POLR3K: variants seen among roughly 807,000 people sequenced by gnomAD.
POLR3K encodes RNA polymerase III subunit K, also known as DNA-directed RNA polymerase III subunit RPC10.
POLR3K carries 11 observed loss-of-function variants against 13.5 expected under a neutral mutation model. The ratio of observed to expected loss-of-function variants is 0.81; its 90% CI spans 0.51 to 1.35. The LOEUF (loss-of-function observed/expected upper bound fraction) is 1.35, where lower values mean the gene tolerates loss of function less well. POLR3K is among the 40% of genes most tolerant of loss of function. The pLI, the probability that POLR3K is intolerant of heterozygous loss-of-function variation, is 0.00. For synonymous variants in POLR3K, 56 were observed against 51.5 expected (o/e 1.09, Z -0.38); for missense variants, 144 against 145.3 (o/e 0.99, Z 0.05).
chr16:50,911 A>G (rs78178911), intron 2 of POLR3K, among the ~76,000 whole-genome samples: 2 of 152,220 alleles, frequency 1.3e-5, no homozygotes, highest in African/African-American at 4.8e-5. Context: ...ACCTCTTCAC[A>G]GAGCAGCAGG....
At chr16:52,657 T>C (rs1034964457) in intron 1 of POLR3K, among the ~76,000 whole-genome samples, 82 of 147,768 alleles carry the variant, frequency 5.5e-4, no homozygotes, top group Admixed American at 1.6e-3. Flanking sequence ...TCCCAGCTAA[T>C]TGGGAGGCTG....
intron 2 of POLR3K, among the ~76,000 whole-genome samples, chr16:51,263 G>A (rs216590): frequency 0.75 from 114,469 of 152,104 alleles, 43,358 homozygotes; most frequent in African/African-American, 0.8. Context: ...ATGCTCTCGC[G>A]GTCTACGAAT....
Position 53,567 on chromosome 16 carries a change from C to T in POLR3K, c.20G>A (p.Gly7Asp), listed in dbSNP as rs369016391. ...CTCCACGATCAGCCCGTTCCCGCAG[C>T]CGGGGCAGAACAGCAGCATGGTCTC... MLLFCP[G>D]CGNGLIVEEG... is the part of the protein sequence containing the mutation. Residue 7 changes from glycine (G) to aspartate (D), a missense_variant, in exon 1 of 3, where the codon GGC becomes GAC. Physicochemically the swap from Gly to Asp is moderately conservative, Grantham distance 94 (BLOSUM62 -1). Transcript: ENST00000293860. 6.2e-7 allele frequency: 1 copy of T among 1,613,150 alleles called. No homozygotes were observed. The highest frequency in any genetic ancestry group is 8.5e-7 in the Non-Finnish European group (1 of 1,179,694).
intron 2 of POLR3K, among the ~76,000 whole-genome samples, chr16:48,683 T>C (rs1377137843): frequency 3.3e-5 from 5 of 150,798 alleles, no homozygotes; most frequent in East Asian, 3.9e-4. Context: ...TGGTGTCGGG[T>C]GCCTGCAGTC....
intron 2 of POLR3K, among the ~76,000 whole-genome samples, chr16:49,364 G>T (rs1265434885): frequency 6.6e-6 from 1 of 150,994 alleles, no homozygotes; most frequent in Non-Finnish European, 1.5e-5. Flanking sequence ...CTTGAACCTG[G>T]GAAGTGGAGG....
intron 1 of POLR3K, among the ~76,000 whole-genome samples, chr16:52,823 A>AATACATT (rs1307527984): frequency 6.6e-6 from 1 of 151,672 alleles, no homozygotes; most frequent in Non-Finnish European, 1.5e-5. Flanking sequence ...GAAAGCACAC[A>AATACATT]ATACATTACA....
intron 2 of POLR3K, among the ~76,000 whole-genome samples, chr16:50,314 A>G (rs1388692481): frequency 6.6e-6 from 1 of 151,490 alleles, no homozygotes; most frequent in Non-Finnish European, 1.5e-5. Context: ...TATCTCTCTC[A>G]CCTCTCAATA....
rs941849206 is a variant in POLR3K at position 51,641 on chromosome 16, G to T, written c.116C>A (p.Thr39Lys). The change falls in exon 2 of 3, where the codon ACA becomes AAA. Residue 39 changes from threonine to lysine, a missense_variant. Transcript: ENST00000293860. ...TTTCAGTTTTGGGTACTTCCGATTT[G>T]TTACCTAACAAAAACAACACTTCAG... is the stretch of plus-strand genomic sequence containing the variant. ...PYVHNITRKV[T>K]NRKYPKLKEV... 1.4e-5 allele frequency: 23 copies of T among 1,613,396 alleles called. 1 individual carries two copies. Among genetic ancestry groups the T allele is most frequent in the Admixed American group, 3.3e-5 (2 of 59,970 alleles).
chr16:52,795 A>C (rs1228500902), intron 1 of POLR3K, among the ~76,000 whole-genome samples: 24 of 26,840 alleles, frequency 8.9e-4, no homozygotes, highest in African/African-American at 2.9e-3. Context: ...AAAAAAAAAA[A>C]CAATAAAAAA....
chr16:53,230 G>T, intron 1 of POLR3K: 1 of 681,940 alleles, frequency 1.5e-6, no homozygotes, highest in Non-Finnish European at 2.2e-6. Context: ...GGAAATCACC[G>T]TGGCCGCCGC....
Position 47,516 on chromosome 16 carries a change from G to A in POLR3K, c.241C>T (p.Gln81Ter). ...TCATCTGCAGAGCGGGTCTGAAGCT[G>A]CATGAAGTAAGCACGAGGATGTTCG... ...KCEHPRAYFM[Q>*]LQTRSADEPM... The change falls in exon 3 of 3, where the codon CAG (glutamine) becomes TAG (stop). Residue 81 changes from glutamine to a stop codon, truncating the protein, a stop_gained. Transcript: ENST00000293860. LOFTEE classifies it high-confidence loss of function. 6.2e-7 allele frequency: 1 copy of A among 1,613,578 alleles called. No homozygotes were observed. Among genetic ancestry groups the A allele is most frequent in the Non-Finnish European group, 8.5e-7 (1 of 1,179,640 alleles).
At chr16:51,481 T>A in intron 2 of POLR3K, 77 bp downstream of exon 2, 1 of 1,134,954 alleles carries the variant, frequency 8.8e-7, no homozygotes, top group Non-Finnish European at 1.3e-6. Context: ...TATGACATCA[T>A]AGACTCTGCC....
chr16:47,657 G>A lies in POLR3K; in HGVS notation c.200-100C>T, dbSNP rs560283729. 106 of 1,279,450 alleles carry A rather than the reference G, an allele frequency of 8.3e-5. 1 individual carries two copies. The highest frequency in any genetic ancestry group is 5.0e-4 in the South Asian group (37 of 73,884). The allele number at this position is 1,279,450 out of a possible 1,614,324, so 79.3% of individuals were successfully genotyped here. A position where few individuals can be genotyped will look rare whatever the true frequency, so the allele number is the denominator to read the frequency against. ...TAATATGTGGGAGGCCAAGGCGGGC[G>A]GATCACCTGAGGTCAGGAGTTCGAG... On this transcript the variant is annotated intron_variant, in intron 2 of 2. Transcript: ENST00000293860.
At chr16:52,778 A>T (rs1227455381) in intron 1 of POLR3K, among the ~76,000 whole-genome samples, 30 of 24,574 alleles carry the variant, frequency 1.2e-3, no homozygotes, top group East Asian at 2.2e-3. Context: ...AAAAAAAAAA[A>T]AAAAAAAAAA....
chr16:51,019 A>G (rs1407914315), intron 2 of POLR3K, among the ~76,000 whole-genome samples: 2 of 152,076 alleles, frequency 1.3e-5, no homozygotes, highest in Non-Finnish European at 2.9e-5. Context: ...ATGGGGGGAA[A>G]CCGCTCCCAT....
intron 1 of POLR3K, chr16:51,877 C>T (rs1010889863): frequency 2.9e-5 from 11 of 379,482 alleles, no homozygotes; most frequent in Non-Finnish European, 5.4e-5. Flanking sequence ...AAAATTAGCC[C>T]GGCGTGTTGG....
chr16:52,446 CAAAAAAAAAAAAAAAAA>C lies in POLR3K; in HGVS notation c.112-818_112-802del, dbSNP rs767411954. 1.1e-4 allele frequency among the ~76,000 whole-genome samples: 8 copies of C among 74,194 alleles called. No homozygotes were observed. The East Asian group carries it at 1.6e-3, about 15-fold the overall frequency. The allele number at this position is 74,194 out of a possible 152,430, so 48.7% of individuals were successfully genotyped here. A position where few individuals can be genotyped will look rare whatever the true frequency, so the allele number is the denominator to read the frequency against. On this transcript the variant is annotated intron_variant, in intron 1 of 2. Transcript: ENST00000293860. ...TGGGAAACAGAGCGAGACTCTGTCT[CAAAAAAAAAAAAAAAAA>C]AAAAAAAAAAAAAAAAAAAAAAAAG...
Position 47,504 on chromosome 16 carries a change from G to C in POLR3K, c.253C>G (p.Arg85Gly). Residue 85 changes from arginine (R) to glycine (G), a missense_variant, in exon 3 of 3, where the codon CGC becomes GGC. By Grantham distance (125) the Arg-to-Gly change is moderately radical (BLOSUM62 -2). Transcript: ENST00000293860. ...GTGGTCATCGGCTCATCTGCAGAGC[G>C]GGTCTGAAGCTGCATGAAGTAAGCA... ...PRAYFMQLQT[R>G]SADEPMTTFY... The C allele has an allele frequency of 1.2e-6, 2 of 1,613,776 alleles. No homozygotes were observed. Among genetic ancestry groups the C allele is most frequent in the Non-Finnish European group, 1.7e-6 (2 of 1,179,780 alleles).
intron 1 of POLR3K, among the ~76,000 whole-genome samples, chr16:52,446 C>CAAAAAAAAAAAAA (rs767411954): frequency 5.4e-5 from 4 of 74,196 alleles, no homozygotes; most frequent in Non-Finnish European, 1.0e-4. Context: ...GACTCTGTCT[C>CAAAAAAAAAAAAA]AAAAAAAAAA....
Sources: allele counts gnomAD v4.1 joint callset (sites outside exome capture counted in the v4.1 genomes callset), GRCh38; gene constraint gnomAD v4.1.1; transcripts MANE v1.5; gene names NCBI Gene and HGNC (gene_info 2026-07-23, HGNC 2026-07-21).